The following RGS3 variants were observed in gnomAD, a reference collection of about 807,000 sequenced individuals.
RGS3 encodes regulator of G protein signaling 3.
Under a neutral mutation model 132.6 loss-of-function variants are expected in RGS3, and 80 were observed. That is an observed-to-expected ratio of 0.60 (90% CI 0.50 to 0.73). The LOEUF (loss-of-function observed/expected upper bound fraction) is 0.73, where lower values mean the gene tolerates loss of function less well. RGS3 is among the 30% of genes least tolerant of loss of function. RGS3 has a pLI of 0.00. For synonymous variants in RGS3, 598 were observed against 620.6 expected (o/e 0.96, Z 0.54); for missense variants, 1,382 against 1,530.8 (o/e 0.90, Z 1.62).
At chr9:113,532,012 G>A (rs1832490210) in intron 18 of RGS3, among the ~76,000 whole-genome samples, 1 of 152,242 alleles carries the variant, frequency 6.6e-6, no homozygotes, top group African/African-American at 2.4e-5. Flanking sequence ...GTGTCTGGTT[G>A]GATTTCAGGA....
chr9:113,572,308 G>A (rs542304169), intron 19 of RGS3, among the ~76,000 whole-genome samples: 3 of 152,162 alleles, frequency 2.0e-5, no homozygotes, highest in African/African-American at 7.2e-5. Flanking sequence ...GAGGGAGGCA[G>A]GAGGGTGGGT....
At chr9:113,559,124 A>C (rs562283811) in intron 19 of RGS3, among the ~76,000 whole-genome samples, 1 of 152,282 alleles carries the variant, frequency 6.6e-6, no homozygotes, top group East Asian at 1.9e-4. Context: ...GACCCAGGGG[A>C]GTGTGTGGAG....
chr9:113,557,801 G>A (rs554969380), intron 19 of RGS3, among the ~76,000 whole-genome samples: 1 of 151,534 alleles, frequency 6.6e-6, no homozygotes, highest in African/African-American at 2.4e-5. Flanking sequence ...GGCTTGGGAT[G>A]TAAGGATTGT....
chr9:113,512,019 C>T (rs985566406), intron 14 of RGS3, among the ~76,000 whole-genome samples: 3 of 152,154 alleles, frequency 2.0e-5, no homozygotes, highest in African/African-American at 4.8e-5. Flanking sequence ...TGGTACAATC[C>T]ACCAAGCTCT....
Position 113,594,219 on chromosome 9 carries a change from C to G in RGS3, c.3081-211C>G, listed in dbSNP as rs966003225. 5 of 1,612,842 alleles carry G rather than the reference C, an allele frequency of 3.1e-6. No individual in the cohort carries two copies. The Admixed American group carries it at 5.0e-5, about 16-fold the overall frequency. The stretch of plus-strand genomic sequence containing the variant: ...CAGGACGCGGGGTGGGGGACAGGAG[C>G]CAGAGTGGTGCCTCCTACAGACCAA... On this transcript the variant is annotated intron_variant, in intron 21 of 24. Coordinates refer to ENST00000350696, the Ensembl canonical transcript of RGS3.
chr9:113,577,001 T>C (rs1027410273), intron 19 of RGS3, among the ~76,000 whole-genome samples: 8 of 152,232 alleles, frequency 5.3e-5, no homozygotes, highest in African/African-American at 1.7e-4. Context: ...TTTTTACTTT[T>C]GAGACAGAGT....
intron 17 of RGS3, among the ~76,000 whole-genome samples, chr9:113,528,173 C>T (rs896065361): frequency 1.3e-5 from 2 of 152,142 alleles, no homozygotes; most frequent in African/African-American, 4.8e-5. Context: ...GTCCTGTGGC[C>T]CTTTAAGCAT....
chr9:113,536,883 C>G, exon 19 of RGS3: 1 of 1,614,144 alleles, frequency 6.2e-7, no homozygotes, highest in Non-Finnish European at 8.5e-7. Context: ...CATCGCCAAG[C>G]AGCAACAGCT....
chr9:113,524,427 A>G (rs1832105164), intron 17 of RGS3, among the ~76,000 whole-genome samples: 1 of 151,992 alleles, frequency 6.6e-6, no homozygotes. Context: ...CATGAATGGA[A>G]CCCTCTCTCT....
chr9:113,497,896 AT>A, intron 9 of RGS3, 128 bp from the exon 8 acceptor site: 1 of 832,370 alleles, frequency 1.2e-6, no homozygotes, highest in Non-Finnish European at 2.0e-6. Flanking sequence ...GTGTCCCCAC[AT>A]CCTGAGGCCA....
chr9:113,537,309 A>T lies in RGS3; in HGVS notation c.2037+391A>T, dbSNP rs1017790958. 6.6e-6 allele frequency among the ~76,000 whole-genome samples: 1 copy of T among 152,118 alleles called. No individual in the cohort carries two copies. The highest frequency in any genetic ancestry group is 2.4e-5 in the African/African-American group (1 of 41,412). ...GGTGTTTAACATTGGCCCCAGGCGG[A>T]TGCGATAGAGGGGATGTTTGCGGCA... On this transcript the variant is annotated intron_variant, in intron 19 of 24. Transcript: ENST00000350696. This position sits in a 1 kb window ranked among gnomAD's most constrained non-coding sequence, Gnocchi z 4.3.
chr9:113,460,945 C>A (rs1268761628), intron 1 of RGS3, among the ~76,000 whole-genome samples: 1 of 152,074 alleles, frequency 6.6e-6, no homozygotes, highest in African/African-American at 2.4e-5. Context: ...TGCTTCAAAT[C>A]AATCTGTATA....
chr9:113,505,564 C>T lies in RGS3; in HGVS notation c.979+41C>T, dbSNP rs371257015. ...GGGGATGCCAACCCCACTTGCCCACCACACATGTGGGCTTTGCAAACATAG... is the reference window on the plus strand; with the variant it reads ...GGGGATGCCAACCCCACTTGCCCACTACACATGTGGGCTTTGCAAACATAG... On this transcript the variant is annotated intron_variant, in intron 11 of 24. Coordinates refer to ENST00000350696, the Ensembl canonical transcript of RGS3. 2.4e-5 allele frequency: 35 copies of T among 1,487,772 alleles called. 1 individual carries two copies. The South Asian group carries it at 3.8e-4, about 16-fold the overall frequency. 92.2% of individuals were successfully genotyped at this position (1,487,772 alleles called of 1,614,324 possible).
chr9:113,489,815 C>G (rs1362297542), intron 7 of RGS3, among the ~76,000 whole-genome samples: 1 of 152,066 alleles, frequency 6.6e-6, no homozygotes, highest in African/African-American at 2.4e-5. Context: ...CAGACATGAG[C>G]TACCGCAGAA....
In RGS3 at chr9:113,587,862, G is replaced by A. The variant is rs191527647; in HGVS notation, c.3015+3435G>A. Among the ~76,000 whole-genome samples, 1,303 of 152,292 alleles carry A rather than the reference G, an allele frequency of 8.6e-3. 8 individuals are homozygous for A. The highest frequency in any genetic ancestry group is 0.014 in the Non-Finnish European group (983 of 68,006). ...CAGCTGGCCATCCCCTGGGTGTGGC[G>A]CCCTGTGCTGAGTTGAGTGGTCTCA... On this transcript the variant is annotated intron_variant, in intron 20 of 24. Coordinates refer to ENST00000350696, the Ensembl canonical transcript of RGS3.
At position 113,461,852 on chromosome 9, in the gene RGS3, T is replaced by G. The variant is rs1212676022; in HGVS notation, c.226T>G (p.Cys76Gly). 2 of 1,613,376 alleles carry G rather than the reference T, an allele frequency of 1.2e-6. No individual in the cohort carries two copies. Among genetic ancestry groups the G allele is most frequent in the African/African-American group, 2.7e-5 (2 of 74,896 alleles). Reference sequence around the variant, plus strand: ...GCTCTACAGTGGTCCCTGGCGAAGTTGTGAAGAGGTGACTATCATCTCAGG... The same window carrying G: ...GCTCTACAGTGGTCCCTGGCGAAGTGGTGAAGAGGTGACTATCATCTCAGG... Residue 76 changes from cysteine to glycine, a missense_variant, in exon 2 of 25, where the codon TGT becomes GGT. Coordinates refer to ENST00000350696, the Ensembl canonical transcript of RGS3.
At position 113,445,764 on chromosome 9, in the gene RGS3, C is replaced by T. The variant is rs146193457; in HGVS notation, c.-13+837C>T. ...CGCAATCTCTGCTCATTGCAACCTC[C>T]GCCGCCTGGGTTCAAGCGATTCTTG... is the stretch of plus-strand genomic sequence containing the variant. On this transcript the variant is annotated intron_variant, in intron 1 of 25. Coordinates refer to the RGS3 transcript ENST00000374140. Among the ~76,000 whole-genome samples, 673 of 152,250 alleles carry T rather than the reference C, an allele frequency of 4.4e-3. 6 individuals carry two copies. Among genetic ancestry groups the T allele is most frequent in the African/African-American group, 0.015 (640 of 41,552 alleles).
chr9:113,595,679 T>G, exon 24 of RGS3: 1 of 1,614,178 alleles, frequency 6.2e-7, no homozygotes, highest in Non-Finnish European at 8.5e-7. Context: ...TTGTGAGGAC[T>G]TCAAGAAGGT....
At chr9:113,455,448 G>A (rs1829345010), upstream of RGS3, among the ~76,000 whole-genome samples, 1 of 152,202 alleles carries the variant, frequency 6.6e-6, no homozygotes, top group Non-Finnish European at 1.5e-5. Context: ...AGGGTGCTGA[G>A]TCATTCTAGC....
Sources: allele counts gnomAD v4.1 joint callset (sites outside exome capture counted in the v4.1 genomes callset), GRCh38; gene constraint gnomAD v4.1.1; non-coding constraint Gnocchi (gnomAD v3.1); transcripts MANE v1.5; gene names NCBI Gene and HGNC (gene_info 2026-07-23, HGNC 2026-07-21).